The following CASQ2 variants were observed in gnomAD, a reference collection of about 807,000 sequenced individuals.
CASQ2 encodes the protein calsequestrin 2, also known as calsequestrin-2.
A neutral mutation model predicts 46.5 loss-of-function variants in CASQ2; 49 were observed. The observed-to-expected ratio is 1.05, with a 90% CI of 0.84 to 1.34. The LOEUF (loss-of-function observed/expected upper bound fraction) is 1.34, where lower values mean the gene tolerates loss of function less well. Ranked by LOEUF, CASQ2 falls within the 40% of genes most tolerant of loss-of-function variation. CASQ2 has a pLI of 0.00. For missense variants in CASQ2, 486 were observed against 481.3 expected, an observed-to-expected ratio of 1.01 and a Z score of -0.09; for synonymous variants, 174 against 168.5, an observed-to-expected ratio of 1.03 and a Z score of -0.25.
chr1:115,749,886 G>A (rs779423298), intron 1 of CASQ2, among the ~76,000 whole-genome samples: 6 of 152,152 alleles, frequency 3.9e-5, no homozygotes, highest in South Asian at 2.1e-4. Context: ...GCTGCAGAGC[G>A]CAGCTCCATG....
At chr1:115,735,686 TTTAA>T (rs988195269) in intron 4 of CASQ2, among the ~76,000 whole-genome samples, 2 of 152,332 alleles carry the variant, frequency 1.3e-5, no homozygotes, top group Admixed American at 6.5e-5. Flanking sequence ...ATATACAAAA[TTTAA>T]TTAAGATCTG....
chr1:115,751,165 G>T (rs1648566747), intron 1 of CASQ2, among the ~76,000 whole-genome samples: 1 of 152,242 alleles, frequency 6.6e-6, no homozygotes, highest in Non-Finnish European at 1.5e-5. Context: ...TGCAGTAAGT[G>T]CTTAGTAAAC....
chr1:115,766,865 TGATAGATAGATAGATAGATA>T (rs58728885), intron 1 of CASQ2, among the ~76,000 whole-genome samples: 11,836 of 144,924 alleles, frequency 0.082, 643 homozygotes, highest in South Asian at 0.2. Context: ...GAGCTAGAGA[TGATAGATAGATAGATAGATA>T]GATAGATAGA....
chr1:115,724,753 AT>A (rs1328629020), intron 7 of CASQ2, among the ~76,000 whole-genome samples: 1 of 152,220 alleles, frequency 6.6e-6, no homozygotes, highest in Non-Finnish European at 1.5e-5. Context: ...AACTCTTCAT[AT>A]TCATCCTTAT....
intron 1 of CASQ2, among the ~76,000 whole-genome samples, chr1:115,749,684 G>A (rs560055374): frequency 2.0e-5 from 3 of 152,336 alleles, no homozygotes; most frequent in Admixed American, 2.0e-4. Context: ...CCAGGTAGGT[G>A]ATTCCTGACA....
intron 8 of CASQ2, among the ~76,000 whole-genome samples, chr1:115,710,574 G>A (rs943364033): frequency 1.3e-5 from 2 of 152,104 alleles, no homozygotes; most frequent in Non-Finnish European, 2.9e-5. Flanking sequence ...CTGTCCATGG[G>A]GTCAGTCCCA....
chr1:115,718,508 A>G (rs1431851017), intron 7 of CASQ2, among the ~76,000 whole-genome samples: 1 of 152,176 alleles, frequency 6.6e-6, no homozygotes, highest in African/African-American at 2.4e-5. Flanking sequence ...CCCTGTTAGG[A>G]CCCTGCCTAC....
chr1:115,742,247 T>C (rs1648210002), intron 2 of CASQ2, among the ~76,000 whole-genome samples: 1 of 151,784 alleles, frequency 6.6e-6, no homozygotes. Context: ...TATATATGTA[T>C]ATTACAAGCA....
At chr1:115,741,158 C>G (rs1648162690) in intron 2 of CASQ2, among the ~76,000 whole-genome samples, 1 of 152,218 alleles carries the variant, frequency 6.6e-6, no homozygotes, top group African/African-American at 2.4e-5. Flanking sequence ...CACTGCCCAC[C>G]TGACTCCTTA....
At chr1:115,743,858 C>T (rs554524296) in intron 2 of CASQ2, among the ~76,000 whole-genome samples, 4 of 151,924 alleles carry the variant, frequency 2.6e-5, no homozygotes, top group East Asian at 3.9e-4. Flanking sequence ...AGGAGCGGGC[C>T]GGGAGCTATG....
intron 6 of CASQ2, among the ~76,000 whole-genome samples, chr1:115,725,922 T>C (rs1212686605): frequency 6.6e-6 from 1 of 152,192 alleles, no homozygotes; most frequent in Non-Finnish European, 1.5e-5. Flanking sequence ...ATGAGAAACC[T>C]GAGGGGGAAA....
chr1:115,725,103 G>A (rs1290935298), intron 7 of CASQ2, among the ~76,000 whole-genome samples: 1 of 152,176 alleles, frequency 6.6e-6, no homozygotes, highest in East Asian at 1.9e-4. Flanking sequence ...GTCTCACTCT[G>A]TTGCCCAGGC....
intron 6 of CASQ2, 65 bp from the exon 7 acceptor site, chr1:115,725,618 A>C: frequency 6.5e-7 from 1 of 1,539,742 alleles, no homozygotes; most frequent in Non-Finnish European, 8.8e-7. Context: ...TGTGGCAGAC[A>C]CAGCAGCCAC....
At chr1:115,736,499 T>A (rs1042880857) in intron 4 of CASQ2, among the ~76,000 whole-genome samples, 1 of 151,752 alleles carries the variant, frequency 6.6e-6, no homozygotes, top group Admixed American at 6.6e-5. Flanking sequence ...TAGCCAGGCG[T>A]GGTGGCGGGC....
chr1:115,763,873 G>GA (rs1649041076), intron 1 of CASQ2, among the ~76,000 whole-genome samples: 1 of 152,128 alleles, frequency 6.6e-6, no homozygotes, highest in African/African-American at 2.4e-5. Context: ...CAGTTTCAAG[G>GA]AAAAAGAGGA....
chr1:115,709,823 T>C (rs1017850217), intron 8 of CASQ2, among the ~76,000 whole-genome samples: 51 of 152,194 alleles, frequency 3.4e-4, no homozygotes, highest in South Asian at 8.3e-4. Context: ...ATTTCTTCCT[T>C]TATGGACACT....
intron 3 of CASQ2, among the ~76,000 whole-genome samples, chr1:115,739,777 C>G (rs1648118539): frequency 6.6e-6 from 1 of 152,224 alleles, no homozygotes; most frequent in Admixed American, 6.5e-5. Context: ...AAAGTCTCCT[C>G]TAACTAGAGC....
chr1:115,707,897 G>T (rs1654410650), intron 8 of CASQ2, among the ~76,000 whole-genome samples: 1 of 152,220 alleles, frequency 6.6e-6, no homozygotes, highest in Non-Finnish European at 1.5e-5. Flanking sequence ...TGGTGCAAGA[G>T]ACTGATTCAC....
chr1:115,718,235 A>C (rs934872134), intron 7 of CASQ2, among the ~76,000 whole-genome samples: 1 of 152,194 alleles, frequency 6.6e-6, no homozygotes, highest in Admixed American at 6.5e-5. Context: ...GCAAAATGAG[A>C]AAGAACATGA....
Sources: gnomAD v4.1 joint callset for allele counts (sites outside exome capture counted in the v4.1 genomes callset) on GRCh38, gnomAD v4.1.1 for gene constraint, MANE v1.5 for transcripts, NCBI Gene and HGNC (gene_info 2026-07-23, HGNC 2026-07-21) for gene names.